SSBP2: variants seen among roughly 807,000 people sequenced by gnomAD.
The protein encoded by SSBP2 is single-stranded DNA-binding protein 2.
Under a neutral mutation model 61.8 loss-of-function variants are expected in SSBP2, and 17 were observed. That is an observed-to-expected ratio of 0.28 (90% confidence interval 0.19 to 0.41). SSBP2 has a LOEUF of 0.41. Among genes scored for constraint, SSBP2 ranks in the 10% least tolerant of loss-of-function variants. The pLI is 1.00. For missense variants in SSBP2, 310 were observed against 458.7 expected (o/e 0.68, Z 2.96); for synonymous variants, 139 against 141.3 (o/e 0.98, Z 0.12).
At chr5:81,476,740 C>T (rs1765617150) in intron 6 of SSBP2, among the ~76,000 whole-genome samples, 1 of 152,186 alleles carries the variant, frequency 6.6e-6, no homozygotes, top group South Asian at 2.1e-4. Context: ...CCTTTATCAA[C>T]CCATCAGCTG....
At chr5:81,669,737 T>C (rs1751443709) in intron 1 of SSBP2, among the ~76,000 whole-genome samples, 1 of 151,710 alleles carries the variant, frequency 6.6e-6, no homozygotes, top group Admixed American at 6.6e-5. Context: ...TGCATACCTA[T>C]GTAACAAACC....
intron 1 of SSBP2, among the ~76,000 whole-genome samples, chr5:81,740,572 CA>C (rs1756947216): frequency 6.6e-6 from 1 of 151,906 alleles, no homozygotes; most frequent in Admixed American, 6.6e-5. Flanking sequence ...TGCCCTTGTC[CA>C]AAAAAAGCCC....
In SSBP2 at chr5:81,610,947, T is replaced by A. The variant is rs188401875; in HGVS notation, c.282+4526A>T. On this transcript the variant is annotated intron_variant, in intron 4 of 16. Coordinates refer to ENST00000320672, the MANE Select transcript of SSBP2 (RefSeq NM_012446.5). The stretch of plus-strand genomic sequence containing the variant: ...AGGCGGAGGTTGTGGTGAGCCAAGA[T>A]CACACCATTGCACTCCAGCCTGGGC... Among the ~76,000 whole-genome samples, 731 of 152,254 alleles carry A rather than the reference T, an allele frequency of 4.8e-3. 4 individuals are homozygous for A. Among genetic ancestry groups the A allele is most frequent in the Non-Finnish European group, 8.4e-3 (572 of 68,026 alleles).
At chr5:81,701,219 G>A (rs1406872369) in intron 1 of SSBP2, among the ~76,000 whole-genome samples, 4 of 152,154 alleles carry the variant, frequency 2.6e-5, no homozygotes, top group Non-Finnish European at 1.5e-5. Flanking sequence ...GAGACAGGAA[G>A]AGAGATGGGA....
intron 12 of SSBP2, among the ~76,000 whole-genome samples, chr5:81,445,299 G>A (rs1027768195): frequency 6.7e-6 from 1 of 150,068 alleles, no homozygotes; most frequent in African/African-American, 2.5e-5. Context: ...GAGTGACTGT[G>A]ACACAGGATG....
rs1761428653 is a variant in SSBP2, at chr5:81,418,702, G to A, written c.*1802C>T. The A allele has an allele frequency of 6.6e-6, 1 of 152,168 alleles. No individual in the cohort carries two copies. The highest frequency in any genetic ancestry group is 6.5e-5 in the Admixed American group (1 of 15,272). 9.4% of individuals were successfully genotyped at this position (152,168 alleles called of 1,614,324 possible). On this transcript the variant is annotated 3_prime_UTR_variant, in exon 17 of 17. Transcript: ENST00000320672. The stretch of plus-strand genomic sequence containing the variant: ...AACCTGTACAGCATGTTACTGTACT[G>A]AATACCAAAGGCAACTGTAATACAA...
intron 4 of SSBP2, among the ~76,000 whole-genome samples, chr5:81,530,585 T>G (rs924527187): frequency 2.6e-5 from 4 of 152,110 alleles, no homozygotes; most frequent in Non-Finnish European, 4.4e-5. Flanking sequence ...ATAAATGTAT[T>G]CAAATCACTT....
At chr5:81,627,007 TACAGAG>T (rs1401632663) in intron 3 of SSBP2, among the ~76,000 whole-genome samples, 2 of 152,208 alleles carry the variant, frequency 1.3e-5, no homozygotes, top group African/African-American at 2.4e-5. Context: ...CAGTGTTTTA[TACAGAG>T]ACAAAGAGAT....
At chr5:81,434,935 G>T (rs958770482) in intron 15 of SSBP2, among the ~76,000 whole-genome samples, 10 of 152,110 alleles carry the variant, frequency 6.6e-5, no homozygotes, top group African/African-American at 2.4e-4. Flanking sequence ...GGGGCAGGGG[G>T]TATACAATGT....
chr5:81,600,511 G>A (rs1004367709), intron 4 of SSBP2, among the ~76,000 whole-genome samples: 17 of 139,560 alleles, frequency 1.2e-4, no homozygotes, highest in African/African-American at 3.9e-4. Flanking sequence ...GCAGTAAGCC[G>A]AGATCACGCC....
intron 1 of SSBP2, among the ~76,000 whole-genome samples, chr5:81,677,499 C>T (rs1752072289): frequency 3.3e-5 from 5 of 152,088 alleles, no homozygotes; most frequent in Admixed American, 3.3e-4. Flanking sequence ...GCTGGAGGCT[C>T]AGCGTGGACA....
At chr5:81,480,754 G>A (rs1765927344) in intron 6 of SSBP2, among the ~76,000 whole-genome samples, 1 of 152,166 alleles carries the variant, frequency 6.6e-6, no homozygotes, top group African/African-American at 2.4e-5. Flanking sequence ...TGCATCGATG[G>A]ACTCTTCCTT....
intron 2 of SSBP2, among the ~76,000 whole-genome samples, chr5:81,649,325 A>G (rs1460154799): frequency 6.6e-6 from 1 of 152,136 alleles, no homozygotes; most frequent in African/African-American, 2.4e-5. Flanking sequence ...CCTCATATAC[A>G]TAGGAGACAA....
At chr5:81,504,790 C>CA (rs1487281531) in intron 5 of SSBP2, among the ~76,000 whole-genome samples, 1 of 152,156 alleles carries the variant, frequency 6.6e-6, no homozygotes, top group Non-Finnish European at 1.5e-5. Context: ...TTATCTTGTT[C>CA]ACTGTAGTGA....
chr5:81,613,302 T>C (rs72773061), intron 4 of SSBP2, among the ~76,000 whole-genome samples: 1,669 of 152,296 alleles, frequency 0.011, 32 homozygotes, highest in Middle Eastern at 0.041. Context: ...AGGACCAAAT[T>C]ACACAGTAAG....
chr5:81,588,860 T>C (rs1775276153), intron 4 of SSBP2, among the ~76,000 whole-genome samples: 1 of 152,182 alleles, frequency 6.6e-6, no homozygotes, highest in South Asian at 2.1e-4. Context: ...GCCCAAGAGT[T>C]GGAGACCAGC....
intron 1 of SSBP2, among the ~76,000 whole-genome samples, chr5:81,693,580 C>G (rs760652713): frequency 5.9e-5 from 9 of 152,144 alleles, no homozygotes; most frequent in Non-Finnish European, 1.2e-4. Flanking sequence ...TGAAAAGGCG[C>G]TCAACATCAT....
At chr5:81,591,050 G>A (rs907539903) in intron 4 of SSBP2, among the ~76,000 whole-genome samples, 3 of 152,126 alleles carry the variant, frequency 2.0e-5, no homozygotes, top group Admixed American at 2.0e-4. Context: ...AAAAAATAAT[G>A]CATTCAGCTT....
rs1329333138 is a variant in SSBP2 at position 81,413,296 on chromosome 5, C to T, written c.*7208G>A. The T allele has an allele frequency of 6.6e-6, 1 of 152,224 alleles. No homozygotes were observed. Among genetic ancestry groups the T allele is most frequent in the African/African-American group, 2.4e-5 (1 of 41,456 alleles). 9.4% of individuals were successfully genotyped at this position (152,224 alleles called of 1,614,324 possible). ...ATGCAGTAATGTGCACATGCACGCACACACACATACACGAACACACATACA... is the reference window on the plus strand; with the variant it reads ...ATGCAGTAATGTGCACATGCACGCATACACACATACACGAACACACATACA... On this transcript the variant is annotated 3_prime_UTR_variant, in exon 17 of 17. Transcript: ENST00000320672.
Sources: gnomAD v4.1 joint callset for allele counts (sites outside exome capture counted in the v4.1 genomes callset) on GRCh38, gnomAD v4.1.1 for gene constraint, MANE v1.5 for transcripts, NCBI Gene and HGNC (gene_info 2026-07-23, HGNC 2026-07-21) for gene names.